CHRD: variants seen among roughly 807,000 people sequenced by gnomAD.
The protein encoded by CHRD is chordin.
Under a neutral mutation model 113.7 loss-of-function variants are expected in CHRD, and 69 were observed. That is an observed-to-expected ratio of 0.61 (90% CI 0.50 to 0.74). CHRD has a LOEUF of 0.74. Ranked by LOEUF, CHRD falls within the 30% of genes least tolerant of loss-of-function variation. The probability of loss-of-function intolerance (pLI) is 0.00; values close to 1 mark genes in which losing one functional copy is unlikely to be tolerated. For synonymous variants in CHRD, 561 were observed against 540.8 expected, an observed-to-expected ratio of 1.04 and a Z score of -0.52; for missense variants, 1,194 against 1,295.8, an observed-to-expected ratio of 0.92 and a Z score of 1.21.
In CHRD at chr3:184,380,578, G is replaced by A. The variant is rs1183233858; in HGVS notation, c.148+112G>A. 8 of 1,034,160 alleles carry A rather than the reference G, an allele frequency of 7.7e-6. No homozygotes were observed. Among genetic ancestry groups the A allele is most frequent in the Non-Finnish European group, 9.7e-6 (8 of 825,496 alleles). The allele number at this position is 1,034,160 out of a possible 1,614,324, so 64.1% of individuals were successfully genotyped here. A position where few individuals can be genotyped will look rare whatever the true frequency, so the allele number is the denominator to read the frequency against. ...GGCTCGGCGCGGCGGGCGGCCCGGA[G>A]GGTGGGCGGGGGCAGAAGGGCGCGG... is the stretch of plus-strand genomic sequence containing the variant. On this transcript the variant is annotated intron_variant, in intron 1 of 22. Transcript: ENST00000204604. This position sits in a 1 kb window ranked among gnomAD's most constrained non-coding sequence, Gnocchi z 6.3.
rs1340886663 is a variant in CHRD at position 184,387,931 on chromosome 3, G to A, written c.2452G>A (p.Gly818Arg). 1 of 1,610,642 alleles carries A rather than the reference G, an allele frequency of 6.2e-7. No homozygotes were observed. The highest frequency in any genetic ancestry group is 1.1e-5 in the South Asian group (1 of 89,950). The change falls in exon 20 of 23, where the codon GGG (glycine) becomes AGG (arginine). Residue 818 changes from glycine to arginine, a missense_variant and splice_region_variant. Coordinates refer to ENST00000204604, the Ensembl canonical transcript of CHRD. The surrounding 1 kb of genome is among the most constrained non-coding windows in gnomAD (Gnocchi z 6.1). ...CTCCTTGCTCAATGGATCCCTACAGGGGGGCACTGGAGAGGTGCACTGTGA... is the reference window on the plus strand; with the variant it reads ...CTCCTTGCTCAATGGATCCCTACAGAGGGGCACTGGAGAGGTGCACTGTGA...
Position 184,387,301 on chromosome 3 carries a change from G to A in CHRD, c.2348-73G>A. 6.6e-7 allele frequency: 1 copy of A among 1,520,826 alleles called. No homozygotes were observed. Among genetic ancestry groups the A allele is most frequent in the South Asian group, 1.2e-5 (1 of 80,236 alleles). 94.2% of individuals were successfully genotyped at this position (1,520,826 alleles called of 1,614,324 possible). ...GCTTAGGCTCGTGTGGGGGTGGCCT[G>A]AGGCTCAAGCCTTGGTTGTGGGCCC... is the stretch of plus-strand genomic sequence containing the variant. On this transcript the variant is annotated intron_variant, in intron 18 of 22. Coordinates refer to ENST00000204604, the Ensembl canonical transcript of CHRD. This position sits in a 1 kb window ranked among gnomAD's most constrained non-coding sequence, Gnocchi z 6.1.
In CHRD at chr3:184,386,610, G is replaced by T. The variant is rs749962652; in HGVS notation, c.2051G>T (p.Gly684Val). Residue 684 changes from glycine (G) to valine (V), a missense_variant, in exon 16 of 23, where the codon GGT becomes GTT. Physicochemically the swap from Gly to Val is moderately radical, Grantham distance 109 (BLOSUM62 -3). Transcript: ENST00000204604. ...TCTGCTGCGCCGCCTGTGGTGCCTG[G>T]TCTCCCGGCCCTAGCGCCCGCCAAA... is the stretch of plus-strand genomic sequence containing the variant. The T allele has an allele frequency of 1.4e-5, 22 of 1,605,520 alleles. No individual in the cohort carries two copies. The highest frequency in any genetic ancestry group is 1.8e-5 in the Non-Finnish European group (21 of 1,178,170).
chr3:184,382,762 C>T lies in CHRD; in HGVS notation c.970C>T (p.Pro324Ser), dbSNP rs370155085. 5.9e-5 allele frequency: 96 copies of T among 1,613,758 alleles called. 1 individual carries two copies. The highest frequency in any genetic ancestry group is 7.7e-5 in the Non-Finnish European group (91 of 1,179,942). ...GCTGCTCTTCCGAGGGCTGCTGGAA[C>T]CCAGGAGTGGGGGTAAGTGGGATGG... Residue 324 changes from proline to serine, a missense_variant, in exon 8 of 23, where the codon CCC becomes TCC. Pro to Ser is a moderately conservative substitution (Grantham distance 74, BLOSUM62 -1). Transcript: ENST00000204604.
rs753420285 is a variant in CHRD, at chr3:184,388,951, G to C, written c.2768G>C (p.Gly923Ala). 1 of 1,612,918 alleles carries C rather than the reference G, an allele frequency of 6.2e-7. No individual in the cohort carries two copies. Among genetic ancestry groups the C allele is most frequent in the Non-Finnish European group, 8.5e-7 (1 of 1,179,932 alleles). ...TCACTGCCACTGTCCTGTGGCTCGG[G>C]GAAGGAGAGTCGATGCTGTTCCCGC... is the stretch of plus-strand genomic sequence containing the variant. Residue 923 changes from glycine to alanine, a missense_variant, in exon 22 of 23, where the codon GGG (glycine) becomes GCG (alanine). Coordinates refer to ENST00000204604, the Ensembl canonical transcript of CHRD. This position sits in a 1 kb window ranked among gnomAD's most constrained non-coding sequence, Gnocchi z 6.1.
chr3:184,382,597 G>A (rs778460731), intron 7 of CHRD, 37 bp from the exon 8 acceptor site: 9 of 1,610,452 alleles, frequency 5.6e-6, no homozygotes, highest in Non-Finnish European at 7.6e-6. Flanking sequence ...AGGGGGGGAG[G>A]GTTTCTGACG....
chr3:184,385,082 C>T (rs141609751), exon 14 of CHRD: 203 of 1,614,154 alleles, frequency 1.3e-4, no homozygotes, highest in African/African-American at 2.0e-4. Flanking sequence ...CAGCAGGGCA[C>T]GCCTGGCTTT....
exon 23 of CHRD, chr3:184,389,547 C>T: frequency 1.2e-6 from 1 of 801,338 alleles, no homozygotes; most frequent in Non-Finnish European, 2.0e-6. Flanking sequence ...CCTGCCTCTA[C>T]TCCCACCCCC....
exon 15 of CHRD, chr3:184,386,059 T>G (rs1716227247): frequency 1.2e-6 from 2 of 1,614,038 alleles, no homozygotes; most frequent in African/African-American, 1.3e-5. Context: ...CAGGGTGTGG[T>G]GAAGGACCTG....
chr3:184,388,579 C>G lies in CHRD; in HGVS notation c.2555-8C>G, dbSNP rs554721606. Reference sequence around the variant, plus strand: ...CTGGGCTGATCCTTTCTCTTTCCCTCTCAACAGTGGGGTCGGGGGCCCACC... The same window carrying G: ...CTGGGCTGATCCTTTCTCTTTCCCTGTCAACAGTGGGGTCGGGGGCCCACC... On this transcript the variant is annotated splice_region_variant and splice_polypyrimidine_tract_variant and intron_variant, in intron 20 of 22. Coordinates refer to ENST00000204604, the Ensembl canonical transcript of CHRD. The surrounding 1 kb of genome is among the most constrained non-coding windows in gnomAD (Gnocchi z 6.1). The G allele has an allele frequency of 1.9e-6, 3 of 1,607,016 alleles. No homozygotes were observed. Among genetic ancestry groups the G allele is most frequent in the Admixed American group, 3.4e-5 (2 of 59,484 alleles).
At position 184,387,194 on chromosome 3, in the gene CHRD, T is replaced by A; in HGVS notation, c.2347+87T>A. The A allele has an allele frequency of 7.2e-7, 1 of 1,391,214 alleles. No individual in the cohort carries two copies. The highest frequency in any genetic ancestry group is 1.0e-6 in the Non-Finnish European group (1 of 982,422). The allele number at this position is 1,391,214 out of a possible 1,614,324, so 86.2% of individuals were successfully genotyped here. On this transcript the variant is annotated intron_variant, in intron 18 of 22. Transcript: ENST00000204604. This position sits in a 1 kb window ranked among gnomAD's most constrained non-coding sequence, Gnocchi z 6.1. ...AGGGGGACAAGAAGGGGAGAGTATA[T>A]AGGGGGTGGCCTGAGGGGCACAGAT...
Position 184,380,471 on chromosome 3 carries a change from G to A in CHRD, c.148+5G>A. 2 of 1,186,326 alleles carry A rather than the reference G, an allele frequency of 1.7e-6. No individual in the cohort carries two copies. Among genetic ancestry groups the A allele is most frequent in the Non-Finnish European group, 2.1e-6 (2 of 956,246 alleles). 73.5% of individuals were successfully genotyped at this position (1,186,326 alleles called of 1,614,324 possible). Reference sequence around the variant, plus strand: ...TGCCCGTTCGGGGAGCGGCAGGTAGGTGGGCGCCCGGGGGAGGCGCGGGCG... The same window carrying A: ...TGCCCGTTCGGGGAGCGGCAGGTAGATGGGCGCCCGGGGGAGGCGCGGGCG... On this transcript the variant is annotated splice_donor_5th_base_variant and intron_variant, in intron 1 of 22. Coordinates refer to ENST00000204604, the Ensembl canonical transcript of CHRD. This position sits in a 1 kb window ranked among gnomAD's most constrained non-coding sequence, Gnocchi z 6.3.
At position 184,384,815 on chromosome 3, in the gene CHRD, G is replaced by A. The variant is rs1716028934; in HGVS notation, c.1597+122G>A. 5.9e-6 allele frequency: 8 copies of A among 1,360,244 alleles called. No homozygotes were observed. The highest frequency in any genetic ancestry group is 5.1e-5 in the Admixed American group (2 of 39,360). The allele number at this position is 1,360,244 out of a possible 1,614,324, so 84.3% of individuals were successfully genotyped here. On this transcript the variant is annotated intron_variant, in intron 13 of 22. Transcript: ENST00000204604. This position sits in a 1 kb window ranked among gnomAD's most constrained non-coding sequence, Gnocchi z 4.4. ...TAAGCTCCGGTTGCCATCTGAAGGT[G>A]GGGACATATAGGGTGGCCCTGCTGG...
chr3:184,389,655 T>A, exon 23 of CHRD: 1 of 543,494 alleles, frequency 1.8e-6, no homozygotes, highest in Non-Finnish European at 3.3e-6. Flanking sequence ...CCTCGGCCTC[T>A]GTCCTGGAAG....
chr3:184,388,889 C>G lies in CHRD; in HGVS notation c.2710-4C>G. The G allele has an allele frequency of 6.2e-7, 1 of 1,612,210 alleles. No homozygotes were observed. Among genetic ancestry groups the G allele is most frequent in the South Asian group, 1.1e-5 (1 of 91,040 alleles). ...CACTCAGTGTCTGCTCTGTCTTGTACCAGGCAGGGGTGCCTCACTGTGAGC... is the reference window on the plus strand; with the variant it reads ...CACTCAGTGTCTGCTCTGTCTTGTAGCAGGCAGGGGTGCCTCACTGTGAGC... On this transcript the variant is annotated splice_polypyrimidine_tract_variant and splice_region_variant and intron_variant, in intron 21 of 22. Coordinates refer to ENST00000204604, the Ensembl canonical transcript of CHRD. The surrounding 1 kb of genome is among the most constrained non-coding windows in gnomAD (Gnocchi z 6.1).
At chr3:184,383,737 A>C (rs1715841122) in intron 12 of CHRD, 95 bp downstream of exon 12, 6 of 1,203,332 alleles carry the variant, frequency 5.0e-6, no homozygotes, top group Admixed American at 5.2e-5. Context: ...TCATCCACTC[A>C]CTCATGGGTT....
Position 184,380,392 on chromosome 3 carries a change from G to C in CHRD, c.74G>C (p.Arg25Pro). Residue 25 changes from arginine (R) to proline (P), a missense_variant, in exon 1 of 23, where the codon CGC (arginine) becomes CCC (proline). By Grantham distance (103) the Arg-to-Pro change is moderately radical. Transcript: ENST00000204604. This position sits in a 1 kb window ranked among gnomAD's most constrained non-coding sequence, Gnocchi z 6.3. ...CTGCTGCTCGGCTCCCGGCCGGCCC[G>C]CGGCGCCGGCCCAGAGCCCCCCGTG... 7.5e-7 allele frequency: 1 copy of C among 1,338,946 alleles called. No individual in the cohort carries two copies. The highest frequency in any genetic ancestry group is 1.5e-5 in the South Asian group (1 of 67,992). The allele number at this position is 1,338,946 out of a possible 1,614,324, so 82.9% of individuals were successfully genotyped here.
chr3:184,386,849 G>C lies in CHRD; in HGVS notation c.2201G>C (p.Arg734Pro), dbSNP rs1716393197. Residue 734 changes from arginine to proline, a missense_variant, in exon 17 of 23, where the codon CGA becomes CCA. Transcript: ENST00000204604. The stretch of plus-strand genomic sequence containing the variant: ...TGCCTCTGCTCCTCTCTGCAGAGAC[G>C]AACGGTGATCTGTGACCCGGTGGTG... 4.3e-6 allele frequency: 7 copies of C among 1,614,030 alleles called. No homozygotes were observed. In the South Asian group the frequency reaches 5.5e-5, roughly 13 times the overall value.
chr3:184,383,174 G>GT lies in CHRD; in HGVS notation c.1213+11_1213+12insT, dbSNP rs761979918. On this transcript the variant is annotated intron_variant, in intron 10 of 22. Transcript: ENST00000204604. ...GGAAGAGCTGCGACGGTGAGGCGGG[G>GT]GGGGGGCCTGGTGCGCCGGGCATGC... 2.4e-5 allele frequency: 29 copies of GT among 1,197,062 alleles called. No homozygotes were observed. Among genetic ancestry groups the GT allele is most frequent in the South Asian group, 5.2e-5 (4 of 76,726 alleles). The allele number at this position is 1,197,062 out of a possible 1,614,324, so 74.2% of individuals were successfully genotyped here. A position where few individuals can be genotyped will look rare whatever the true frequency, so the allele number is the denominator to read the frequency against.
Sources: gnomAD v4.1 joint callset for allele counts on GRCh38, gnomAD v4.1.1 for gene constraint, Gnocchi (gnomAD v3.1) non-coding constraint, MANE v1.5 for transcripts, NCBI Gene and HGNC (gene_info 2026-07-23, HGNC 2026-07-21) for gene names.